Variants in RUBCNL observed in about 807,000 individuals in gnomAD.
The protein encoded by RUBCNL is protein associated with UVRAG as autophagy enhancer.
A neutral mutation model predicts 69.5 loss-of-function variants in RUBCNL; 62 were observed. The observed-to-expected ratio is 0.89, with a 90% CI of 0.73 to 1.10. The LOEUF is 1.10. Among genes scored for constraint, RUBCNL ranks in the 50% least tolerant of loss-of-function variants. The pLI is 0.00. For synonymous variants in RUBCNL, 291 were observed against 303.6 expected (o/e 0.96, Z 0.43); for missense variants, 768 against 798.1 (o/e 0.96, Z 0.45).
At chr13:46,371,024 G>A in intron 3 of RUBCNL, among the ~76,000 whole-genome samples, 1 of 151,716 alleles carries the variant, frequency 6.6e-6, no homozygotes, top group East Asian at 1.9e-4. Flanking sequence ...TTCTTCTTAA[G>A]CAATGAATAA....
rs1391460726 is a variant in RUBCNL, at chr13:46,342,738, C to T, written c.*647G>A. On this transcript the variant is annotated 3_prime_UTR_variant, in exon 15 of 15. Transcript: ENST00000429979. The stretch of plus-strand genomic sequence containing the variant: ...TGACAAATACAGGTTCAATTTGTGC[C>T]ACCTGAAAGAGTGCCATCTAGAAGC... 6.6e-6 allele frequency: 1 copy of T among 152,272 alleles called. No homozygotes were observed. The highest frequency in any genetic ancestry group is 2.4e-5 in the African/African-American group (1 of 41,432). 9.4% of individuals were successfully genotyped at this position (152,272 alleles called of 1,614,324 possible). A position where few individuals can be genotyped will look rare whatever the true frequency, so the allele number is the denominator to read the frequency against.
At chr13:46,369,693 T>C (rs1442568779) in intron 3 of RUBCNL, among the ~76,000 whole-genome samples, 2 of 152,216 alleles carry the variant, frequency 1.3e-5, no homozygotes, top group Admixed American at 6.5e-5. Context: ...AAAACAAACA[T>C]TTTTTCTGTC....
rs2048116101 is a variant in RUBCNL, at chr13:46,338,142, T to A, written c.*5243A>T. On this transcript the variant is annotated 3_prime_UTR_variant, in exon 15 of 15. Transcript: ENST00000429979. Reference sequence around the variant, plus strand: ...AGGGGAAGCGCCCACCACTCCCATCTGCAGAGCCCATGCAAGAGTACAAAT... The same window carrying A: ...AGGGGAAGCGCCCACCACTCCCATCAGCAGAGCCCATGCAAGAGTACAAAT... Among the ~76,000 whole-genome samples the A allele has an allele frequency of 6.6e-6, 1 of 152,200 alleles. No individual in the cohort carries two copies. Among genetic ancestry groups the A allele is most frequent in the Admixed American group, 6.5e-5 (1 of 15,286 alleles).
At position 46,368,768 on chromosome 13, in the gene RUBCNL, G is replaced by T. The variant is rs367551000; in HGVS notation, c.583C>A (p.Pro195Thr). The T allele has an allele frequency of 2.4e-5, 38 of 1,613,636 alleles. No homozygotes were observed. Among genetic ancestry groups the T allele is most frequent in the Non-Finnish European group, 3.1e-5 (37 of 1,179,788 alleles). The stretch of plus-strand genomic sequence containing the variant: ...TCAACAGGCAGCACAAATACCTCTG[G>T]TGAGAAGGAATTCGAAGAAATGGTT... ...RRTISSNSFS[P>T]EVFVLPVDVE... The change falls in exon 4 of 15, where the codon CCA becomes ACA. Residue 195 changes from proline to threonine, a missense_variant. Pro to Thr is a conservative substitution (Grantham distance 38, BLOSUM62 -1). Transcript: ENST00000429979.
chr13:46,380,351 AT>A (rs1184396530), intron 1 of RUBCNL, among the ~76,000 whole-genome samples: 4 of 152,208 alleles, frequency 2.6e-5, no homozygotes, highest in Non-Finnish European at 5.9e-5. Flanking sequence ...AATTTGCAAA[AT>A]TTCAGGTGTT....
intron 10 of RUBCNL, chr13:46,350,631 G>C: frequency 2.9e-6 from 1 of 345,808 alleles, no homozygotes; most frequent in Non-Finnish European, 5.3e-6. Context: ...GCAAACTGCA[G>C]TGTAGCAAAA....
chr13:46,339,813 C>A lies in RUBCNL; in HGVS notation c.*3572G>T, dbSNP rs752370301. ...GGCGGAGGTTGAAGTGAGCTGAGAT[C>A]GCACCACTGCACTATAGCCTGGGTG... On this transcript the variant is annotated 3_prime_UTR_variant, in exon 15 of 15. Coordinates refer to ENST00000429979, the MANE Select transcript of RUBCNL (RefSeq NM_025113.5). Among the ~76,000 whole-genome samples, 1 of 151,864 alleles carries A rather than the reference C, an allele frequency of 6.6e-6. No individual in the cohort carries two copies. The highest frequency in any genetic ancestry group is 1.5e-5 in the Non-Finnish European group (1 of 68,006).
Position 46,372,079 on chromosome 13 carries a change from C to T in RUBCNL, c.397G>A (p.Glu133Lys). The stretch of plus-strand genomic sequence containing the variant: ...TATCCTGGGCGGACCATGTGTACCT[C>T]TGTTGAGGACAGAGAGAAGCTGCTA... ...KSSSFSLSST[E>K]VHMVRPGYSH... Residue 133 changes from glutamate (E) to lysine (K), a missense_variant, in exon 3 of 15, where the codon GAG becomes AAG. Coordinates refer to ENST00000429979, the MANE Select transcript of RUBCNL (RefSeq NM_025113.5). The T allele has an allele frequency of 6.2e-7, 1 of 1,613,998 alleles. No individual in the cohort carries two copies. Among genetic ancestry groups the T allele is most frequent in the African/African-American group, 1.3e-5 (1 of 75,034 alleles).
intron 1 of RUBCNL, among the ~76,000 whole-genome samples, chr13:46,380,456 G>A (rs2049094320): frequency 6.6e-6 from 1 of 152,198 alleles, no homozygotes; most frequent in Admixed American, 6.5e-5. Flanking sequence ...AAAAACAAAA[G>A]TCTGAACCTG....
At chr13:46,357,051 G>C (rs2048502854) in intron 9 of RUBCNL, among the ~76,000 whole-genome samples, 1 of 149,646 alleles carries the variant, frequency 6.7e-6, no homozygotes, top group Non-Finnish European at 1.5e-5. Flanking sequence ...CTCTTTAAAA[G>C]CTTCTGCTAG....
chr13:46,349,217 T>G (rs2048315141), intron 12 of RUBCNL, 69 bp downstream of exon 12: 1 of 1,366,156 alleles, frequency 7.3e-7, no homozygotes, highest in Non-Finnish European at 1.0e-6. Context: ...GGGAGCCAGA[T>G]GCAGGAGGCA....
intron 14 of RUBCNL, 115 bp downstream of exon 14, chr13:46,344,626 T>G: frequency 7.1e-6 from 5 of 703,706 alleles, no homozygotes; most frequent in Non-Finnish European, 1.2e-5. Flanking sequence ...TTTAAATAAC[T>G]GTGCTTAAAT....
Position 46,372,134 on chromosome 13 carries a change from G to C in RUBCNL, c.342C>G (p.Ser114Arg). ...TTTCACTCGAGCCATGGGGAGAAGC[G>C]CTGCCAACGGAGTCTGTGGTATCCT... ...LSEDTTDSVG[S>R]ASPHGSSEKS... Residue 114 changes from serine to arginine, a missense_variant, in exon 3 of 15, where the codon AGC becomes AGG. By Grantham distance (110) the Ser-to-Arg change is moderately radical (BLOSUM62 -1). Coordinates refer to ENST00000429979, the MANE Select transcript of RUBCNL (RefSeq NM_025113.5). 1 of 1,613,992 alleles carries C rather than the reference G, an allele frequency of 6.2e-7. No homozygotes were observed. Among genetic ancestry groups the C allele is most frequent in the Non-Finnish European group, 8.5e-7 (1 of 1,179,890 alleles).
chr13:46,374,618 T>C (rs929995311), intron 2 of RUBCNL: 7 of 152,184 alleles, frequency 4.6e-5, no homozygotes, highest in African/African-American at 1.7e-4. Flanking sequence ...AATCAAGAGG[T>C]ATTCAAGAGA....
intron 1 of RUBCNL, among the ~76,000 whole-genome samples, chr13:46,386,138 T>C (rs543268854): frequency 7.9e-5 from 12 of 152,310 alleles, no homozygotes; most frequent in African/African-American, 2.6e-4. Flanking sequence ...GGATACTTTA[T>C]AGGCTTCAAA....
intron 2 of RUBCNL, chr13:46,374,413 G>A (rs9567664): frequency 0.19 from 28,361 of 152,166 alleles, 3,155 homozygotes; most frequent in East Asian, 0.48. Flanking sequence ...GGGGTGCGCC[G>A]TTCCTAGGGG....
rs764458781 is a variant in RUBCNL, at chr13:46,335,260, GTT to G, written c.*8123_*8124del. Reference sequence around the variant, plus strand: ...GTGTCTTTTTGTTGTTGTTGTTGTTGTTTTTTTTTTTTTTTTTTTTTTTTTAA... The same window carrying G: ...GTGTCTTTTTGTTGTTGTTGTTGTTGTTTTTTTTTTTTTTTTTTTTTTTAA... On this transcript the variant is annotated 3_prime_UTR_variant, in exon 15 of 15. Coordinates refer to ENST00000429979, the MANE Select transcript of RUBCNL (RefSeq NM_025113.5). 6.0e-3 allele frequency among the ~76,000 whole-genome samples: 616 copies of G among 101,888 alleles called. 2 individuals carry two copies. Among genetic ancestry groups the G allele is most frequent in the East Asian group, 0.015 (40 of 2,688 alleles). 66.8% of individuals were successfully genotyped at this position (101,888 alleles called of 152,430 possible). A position where few individuals can be genotyped will look rare whatever the true frequency, so the allele number is the denominator to read the frequency against.
intron 10 of RUBCNL, among the ~76,000 whole-genome samples, chr13:46,354,475 T>C (rs1374885853): frequency 4.6e-5 from 7 of 152,170 alleles, no homozygotes; most frequent in Admixed American, 2.0e-4. Flanking sequence ...CTAGAGGAAT[T>C]TAACAGGAAA....
At chr13:46,387,319 C>T (rs1274582764), upstream of RUBCNL, 1 of 985,546 alleles carries the variant, frequency 1.0e-6, no homozygotes, top group Non-Finnish European at 1.2e-6. Flanking sequence ...GCCTCCCACA[C>T]GGGGGCCACC....
Sources: gnomAD v4.1 joint callset for allele counts (sites outside exome capture counted in the v4.1 genomes callset) on GRCh38, gnomAD v4.1.1 for gene constraint, MANE v1.5 for transcripts, NCBI Gene and HGNC (gene_info 2026-07-23, HGNC 2026-07-21) for gene names.